CLPB: variants seen among roughly 807,000 people sequenced by gnomAD.
The protein encoded by CLPB is mitochondrial disaggregase.
A neutral mutation model predicts 78.4 loss-of-function variants in CLPB; 40 were observed. That is an observed-to-expected ratio of 0.51 (90% CI 0.40 to 0.66). CLPB has a LOEUF of 0.66. CLPB is among the 30% of genes least tolerant of loss of function. The probability of loss-of-function intolerance (pLI) is 0.00; values close to 1 mark genes in which losing one functional copy is unlikely to be tolerated. For missense variants in CLPB, 780 were observed against 886.9 expected (o/e 0.88, Z 1.53); for synonymous variants, 333 against 348.0 (o/e 0.96, Z 0.48).
chr11:72,354,289 A>C, intron 5 of CLPB: 1 of 396,878 alleles, frequency 2.5e-6, no homozygotes, highest in Non-Finnish European at 4.4e-6. Flanking sequence ...ATATATATAT[A>C]TATATATATA....
Position 72,288,083 on chromosome 11 carries a change from A to T in CLPB, c.*5284T>A, listed in dbSNP as rs778024045. 3 of 151,828 alleles carry T rather than the reference A, an allele frequency of 2.0e-5. No homozygotes were observed. The highest frequency in any genetic ancestry group is 2.9e-5 in the Non-Finnish European group (2 of 67,972). The allele number at this position is 151,828 out of a possible 1,614,324, so 9.4% of individuals were successfully genotyped here. The stretch of plus-strand genomic sequence containing the variant: ...TTTTTCTTCTTTCACTATATTGAGG[A>T]ATTTCCCTAAATTTTAAAATCACTA... On this transcript the variant is annotated 3_prime_UTR_variant, in exon 16 of 16. Transcript: ENST00000538039.
chr11:72,346,283 T>C (rs958978886), intron 5 of CLPB, among the ~76,000 whole-genome samples: 19 of 152,150 alleles, frequency 1.2e-4, no homozygotes, highest in African/African-American at 4.1e-4. Context: ...CCTTAGTGCA[T>C]TCACGTTATA....
chr11:72,295,729 T>G, intron 11 of CLPB, 81 bp from the exon 12 acceptor site: 2 of 1,372,914 alleles, frequency 1.5e-6, no homozygotes, highest in Non-Finnish European at 2.0e-6. Flanking sequence ...CTCACCTCCT[T>G]CAGGAGGCCT....
At chr11:72,307,844 G>C (rs1461768614) in intron 8 of CLPB, among the ~76,000 whole-genome samples, 1 of 152,166 alleles carries the variant, frequency 6.6e-6, no homozygotes, top group Non-Finnish European at 1.5e-5. Flanking sequence ...GTAGCATCAT[G>C]GTCAGGTGGT....
At chr11:72,395,853 G>A (rs575835861) in intron 3 of CLPB, among the ~76,000 whole-genome samples, 1 of 152,282 alleles carries the variant, frequency 6.6e-6, no homozygotes, top group Non-Finnish European at 1.5e-5. Flanking sequence ...GAAGGAAGCA[G>A]AGCCTCCCAG....
chr11:72,394,533 C>T (rs74908237), intron 3 of CLPB, among the ~76,000 whole-genome samples: 3,955 of 152,298 alleles, frequency 0.026, 82 homozygotes, highest in Middle Eastern at 0.11. Flanking sequence ...AGGAAGTATA[C>T]CCTGAGACTG....
intron 5 of CLPB, among the ~76,000 whole-genome samples, chr11:72,334,596 G>A (rs960162777): frequency 2.6e-5 from 4 of 152,228 alleles, no homozygotes; most frequent in Non-Finnish European, 4.4e-5. Context: ...AAATAACCAC[G>A]TTGGGCCTCA....
intron 5 of CLPB, among the ~76,000 whole-genome samples, chr11:72,356,142 G>A (rs929547438): frequency 1.3e-5 from 2 of 152,064 alleles, no homozygotes; most frequent in African/African-American, 4.8e-5. Context: ...AATTTAGCTG[G>A]GTGTGGTGGC....
At chr11:72,398,098 T>A (rs1447700637) in intron 3 of CLPB, among the ~76,000 whole-genome samples, 1 of 152,230 alleles carries the variant, frequency 6.6e-6, no homozygotes, top group Non-Finnish European at 1.5e-5. Context: ...TCCACCAGAC[T>A]TCTGGAATGG....
chr11:72,372,845 G>T, intron 4 of CLPB: 1 of 1,292,668 alleles, frequency 7.7e-7, no homozygotes, highest in Non-Finnish European at 1.1e-6. Flanking sequence ...CTTATACTGA[G>T]TAAAAGAGAT....
chr11:72,349,374 T>G (rs1219498460), intron 5 of CLPB, among the ~76,000 whole-genome samples: 1 of 152,228 alleles, frequency 6.6e-6, no homozygotes, highest in Non-Finnish European at 1.5e-5. Context: ...AAAATACTCA[T>G]TTCCAAAATG....
chr11:72,332,704 T>A (rs978189658), intron 5 of CLPB: 1 of 152,210 alleles, frequency 6.6e-6, no homozygotes. Context: ...TCTGGATACT[T>A]CCTATGAATG....
chr11:72,321,874 C>G (rs1053079548), intron 6 of CLPB, among the ~76,000 whole-genome samples: 1 of 151,328 alleles, frequency 6.6e-6, no homozygotes, highest in African/African-American at 2.4e-5. Flanking sequence ...ACTCATATCA[C>G]AGTCGGGGCT....
At chr11:72,384,765 T>C (rs756172910) in intron 3 of CLPB, among the ~76,000 whole-genome samples, 24 of 152,136 alleles carry the variant, frequency 1.6e-4, no homozygotes, top group African/African-American at 3.1e-4. Context: ...TGGAATAAAA[T>C]AGACTTTAAG....
chr11:72,345,121 G>A (rs1334826014), intron 5 of CLPB, among the ~76,000 whole-genome samples: 1 of 152,150 alleles, frequency 6.6e-6, no homozygotes, highest in East Asian at 1.9e-4. Context: ...GAGAAGCTTG[G>A]TAATATCTAA....
chr11:72,413,386 A>AT lies in CLPB; in HGVS notation c.456-10335dup, dbSNP rs201628768. 2.3e-3 allele frequency among the ~76,000 whole-genome samples: 341 copies of AT among 149,824 alleles called. 1 individual carries two copies. The highest frequency in any genetic ancestry group is 4.6e-3 in the South Asian group (22 of 4,754). ...TCATTTGCTTTTCTATTCCTTTTCT[A>AT]TTTTTTTTTGCTGGACCATGTGAGA... On this transcript the variant is annotated intron_variant, in intron 2 of 15. Transcript: ENST00000538039.
intron 3 of CLPB, among the ~76,000 whole-genome samples, chr11:72,391,637 T>C (rs1195489529): frequency 6.6e-6 from 1 of 152,244 alleles, no homozygotes; most frequent in East Asian, 1.9e-4. Flanking sequence ...CTCAGCCTTC[T>C]CCCACCTGAA....
At position 72,335,450 on chromosome 11, in the gene CLPB, C is replaced by T. The variant is rs184711453; in HGVS notation, c.776-5646G>A. The stretch of plus-strand genomic sequence containing the variant: ...TACCCAGCCCCAAGCTCATGGCTCT[C>T]CCAGGGGTGTCCCCCATTTAACTGA... On this transcript the variant is annotated intron_variant, in intron 5 of 15. Coordinates refer to ENST00000538039, the MANE Select transcript of CLPB (RefSeq NM_001258392.3). 3.5e-3 allele frequency among the ~76,000 whole-genome samples: 537 copies of T among 152,322 alleles called. 2 individuals carry two copies. Among genetic ancestry groups the T allele is most frequent in the African/African-American group, 0.012 (518 of 41,570 alleles).
chr11:72,351,803 C>G (rs1294484229), intron 5 of CLPB, among the ~76,000 whole-genome samples: 3 of 152,068 alleles, frequency 2.0e-5, no homozygotes, highest in Non-Finnish European at 4.4e-5. Flanking sequence ...AACTCCTGAC[C>G]TCAGGGATCC....
Sources: gnomAD v4.1 joint callset for allele counts (sites outside exome capture counted in the v4.1 genomes callset) on GRCh38, gnomAD v4.1.1 for gene constraint, MANE v1.5 for transcripts, NCBI Gene and HGNC (gene_info 2026-07-23, HGNC 2026-07-21) for gene names.